MMS22L: variants seen among roughly 807,000 people sequenced by gnomAD.
MMS22L encodes protein MMS22-like.
MMS22L carries 74 observed loss-of-function variants against 159.1 expected under a neutral mutation model. That is an observed-to-expected ratio of 0.47 (90% CI 0.39 to 0.56). The LOEUF (loss-of-function observed/expected upper bound fraction) is 0.56, where lower values mean the gene tolerates loss of function less well. Ranked by LOEUF, MMS22L falls within the 20% of genes least tolerant of loss-of-function variation. The pLI, the probability that MMS22L is intolerant of heterozygous loss-of-function variation, is 0.00. For missense variants in MMS22L, 1,351 were observed against 1,422.1 expected (o/e 0.95, Z 0.80); for synonymous variants, 517 against 506.9 (o/e 1.02, Z -0.27).
chr6:97,221,233 A>G (rs576273192), intron 14 of MMS22L, among the ~76,000 whole-genome samples: 4 of 152,234 alleles, frequency 2.6e-5, no homozygotes, highest in Middle Eastern at 3.4e-3. Context: ...ATTTTGGCAC[A>G]TAAGTTTTTC....
chr6:97,246,217 T>C (rs970785636), intron 11 of MMS22L: 1 of 441,510 alleles, frequency 2.3e-6, no homozygotes, highest in Admixed American at 2.7e-5. Flanking sequence ...CCTTATCAGT[T>C]AGAATATGAT....
At chr6:97,228,726 T>C (rs1810519167) in intron 14 of MMS22L, among the ~76,000 whole-genome samples, 168 bp downstream of exon 14, 1 of 152,214 alleles carries the variant, frequency 6.6e-6, no homozygotes, top group Non-Finnish European at 1.5e-5. Flanking sequence ...TACACGGATA[T>C]ATTCAACCTG....
At chr6:97,221,811 T>C (rs1809686155) in intron 14 of MMS22L, among the ~76,000 whole-genome samples, 1 of 151,990 alleles carries the variant, frequency 6.6e-6, no homozygotes. Flanking sequence ...TGCCTCAAAA[T>C]TTCCATAAAA....
At chr6:97,279,072 A>G (rs1816505694) in intron 3 of MMS22L, among the ~76,000 whole-genome samples, 174 bp from the exon 4 acceptor site, 1 of 152,262 alleles carries the variant, frequency 6.6e-6, no homozygotes, top group Non-Finnish European at 1.5e-5. Flanking sequence ...GAAAACTTTA[A>G]GAAAAGATAA....
At chr6:97,152,385 A>C (rs1252583582) in intron 22 of MMS22L, among the ~76,000 whole-genome samples, 1 of 152,208 alleles carries the variant, frequency 6.6e-6, no homozygotes, top group Non-Finnish European at 1.5e-5. Context: ...TCAAAGGATA[A>C]TAAAGTATAA....
At chr6:97,206,682 G>A (rs1379988970) in intron 14 of MMS22L, among the ~76,000 whole-genome samples, 8 of 152,010 alleles carry the variant, frequency 5.3e-5, no homozygotes, top group Admixed American at 4.6e-4. Flanking sequence ...AAGTCTCTAA[G>A]ATGTTTTTTG....
intron 14 of MMS22L, among the ~76,000 whole-genome samples, chr6:97,200,564 G>T (rs1320389648): frequency 6.6e-6 from 1 of 152,064 alleles, no homozygotes. Context: ...TTTCATCTGC[G>T]TAGCACCATT....
Position 97,146,896 on chromosome 6 carries a change from G to C in MMS22L, c.3651-9C>G. 1 of 1,519,208 alleles carries C rather than the reference G, an allele frequency of 6.6e-7. No homozygotes were observed. The allele number at this position is 1,519,208 out of a possible 1,614,324, so 94.1% of individuals were successfully genotyped here. A position where few individuals can be genotyped will look rare whatever the true frequency, so the allele number is the denominator to read the frequency against. ...GTTTGCTATAGGCTTCCCTGTTTAA[G>C]AAAAAAGAAAAGAAAGCAAATATAT... On this transcript the variant is annotated splice_polypyrimidine_tract_variant and intron_variant, in intron 24 of 24. Transcript: ENST00000683635.
At chr6:97,193,978 G>C (rs1242558198) in intron 14 of MMS22L, among the ~76,000 whole-genome samples, 3 of 152,034 alleles carry the variant, frequency 2.0e-5, no homozygotes, top group African/African-American at 7.2e-5. Context: ...AGCCAGGATG[G>C]TCTCGATCTC....
rs1218399504 is a variant in MMS22L, at chr6:97,150,140, AG to A, written c.3483-121del. 3.2e-5 allele frequency: 22 copies of A among 697,500 alleles called. 1 individual carries two copies. In the African/African-American group the frequency reaches 3.5e-4, roughly 11 times the overall value. The allele number at this position is 697,500 out of a possible 1,614,324, so 43.2% of individuals were successfully genotyped here. A position where few individuals can be genotyped will look rare whatever the true frequency, so the allele number is the denominator to read the frequency against. ...GATCATTTCATAAAAGTTTACTGTA[AG>A]AATCTGGATGCAATATGAAAACTAT... On this transcript the variant is annotated intron_variant, in intron 23 of 24. Coordinates refer to ENST00000683635, the MANE Select transcript of MMS22L (RefSeq NM_001350599.2).
intron 14 of MMS22L, among the ~76,000 whole-genome samples, chr6:97,191,161 CCA>C (rs1459883766): frequency 6.6e-6 from 1 of 152,124 alleles, no homozygotes; most frequent in African/African-American, 2.4e-5. Context: ...TACCTTATCC[CCA>C]CAGACACACA....
In MMS22L at chr6:97,143,764, C is replaced by CT. The variant is rs1800749053; in HGVS notation, c.*3041dup. 1 of 152,054 alleles carries CT rather than the reference C, an allele frequency of 6.6e-6. No individual in the cohort carries two copies. The allele number at this position is 152,054 out of a possible 1,614,324, so 9.4% of individuals were successfully genotyped here. A position where few individuals can be genotyped will look rare whatever the true frequency, so the allele number is the denominator to read the frequency against. On this transcript the variant is annotated 3_prime_UTR_variant, in exon 25 of 25. Transcript: ENST00000683635. The stretch of plus-strand genomic sequence containing the variant: ...GTAGAAAATGAAAGCAGGAGGTAGT[C>CT]TGAGATTTCAGGAGACTCCAACTAC...
At chr6:97,236,778 C>T (rs541627911) in intron 11 of MMS22L, among the ~76,000 whole-genome samples, 4 of 152,052 alleles carry the variant, frequency 2.6e-5, no homozygotes, top group East Asian at 1.9e-4. Context: ...GGTGAAACCC[C>T]GTCTCTACTA....
chr6:97,231,531 T>C lies in MMS22L; in HGVS notation c.1424A>G (p.Tyr475Cys), dbSNP rs780920201. ...AATAGTATAACTACTGCTGGATTTA[T>C]ATAGTTCCTGATCTTGTTTATCGCA... ...CCCDKQDQEL[Y>C]KSSSSYTIFL... Residue 475 changes from tyrosine (Y) to cysteine (C), a missense_variant, in exon 13 of 25, where the codon TAT (tyrosine) becomes TGT (cysteine). Transcript: ENST00000683635. 2 of 1,613,870 alleles carry C rather than the reference T, an allele frequency of 1.2e-6. No individual in the cohort carries two copies. Among genetic ancestry groups the C allele is most frequent in the Non-Finnish European group, 1.7e-6 (2 of 1,179,810 alleles).
rs1382253923 is a variant in MMS22L, at chr6:97,142,837, A to G, written c.*3969T>C. On this transcript the variant is annotated 3_prime_UTR_variant, in exon 25 of 25. Coordinates refer to ENST00000683635, the MANE Select transcript of MMS22L (RefSeq NM_001350599.2). ...CAAGGTAGTTTAAAAAATGTGTTGT[A>G]AAGCATGGAAGAAAATAATAATAGG... 6.6e-6 allele frequency: 1 copy of G among 152,332 alleles called. No individual in the cohort carries two copies. Among genetic ancestry groups the G allele is most frequent in the Non-Finnish European group, 1.5e-5 (1 of 68,004 alleles). 9.4% of individuals were successfully genotyped at this position (152,332 alleles called of 1,614,324 possible).
chr6:97,183,062 A>T (rs943076919), intron 15 of MMS22L, among the ~76,000 whole-genome samples: 1 of 152,130 alleles, frequency 6.6e-6, no homozygotes, highest in Admixed American at 6.5e-5. Context: ...TCCCATGCTG[A>T]TACCCAGCGA....
intron 14 of MMS22L, among the ~76,000 whole-genome samples, chr6:97,212,691 A>G (rs1808517775): frequency 6.6e-6 from 1 of 152,242 alleles, no homozygotes; most frequent in Non-Finnish European, 1.5e-5. Flanking sequence ...GAGCAGAGTC[A>G]GGATTCAAAT....
Position 97,173,195 on chromosome 6 carries a change from G to A in MMS22L, c.2707C>T (p.Gln903Ter). ...EAVGVTYGNV[Q>*]TLSDKSAMVT... The stretch of plus-strand genomic sequence containing the variant: ...ATGGCAGATTTATCAGAAAGTGTCT[G>A]GACGTTCCCGTAAGTTACACCAACA... The change falls in exon 19 of 25, where the codon CAG (glutamine) becomes TAG (stop). Residue 903 changes from glutamine to a stop codon, truncating the protein, a stop_gained. Coordinates refer to ENST00000683635, the MANE Select transcript of MMS22L (RefSeq NM_001350599.2). LOFTEE classifies it high-confidence loss of function. 1 of 1,613,248 alleles carries A rather than the reference G, an allele frequency of 6.2e-7. No homozygotes were observed. The highest frequency in any genetic ancestry group is 1.3e-5 in the African/African-American group (1 of 74,938).
intron 8 of MMS22L, chr6:97,267,173 T>A (rs545025135): frequency 1.3e-5 from 2 of 152,260 alleles, no homozygotes; most frequent in South Asian, 4.1e-4. Flanking sequence ...CTAATACACA[T>A]ACACACTAAA....
Sources: gnomAD v4.1 joint callset for allele counts (sites outside exome capture counted in the v4.1 genomes callset) on GRCh38, gnomAD v4.1.1 for gene constraint, MANE v1.5 for transcripts, NCBI Gene and HGNC (gene_info 2026-07-23, HGNC 2026-07-21) for gene names.